ACYP2: variants seen among roughly 807,000 people sequenced by gnomAD.
ACYP2 encodes the protein acylphosphatase 2.
Under a neutral mutation model 11.2 loss-of-function variants are expected in ACYP2, and 12 were observed. The observed-to-expected ratio is 1.08, with a 90% CI of 0.69 to 1.74. The LOEUF (loss-of-function observed/expected upper bound fraction) is 1.74, where lower values mean the gene tolerates loss of function less well. Ranked by LOEUF, ACYP2 falls within the 40% of genes most tolerant of loss-of-function variation. ACYP2 has a pLI of 0.00. For missense variants in ACYP2, 134 were observed against 101.9 expected (o/e 1.31, Z -1.35); for synonymous variants, 43 against 32.2 (o/e 1.33, Z -1.13).
chr2:54,291,163 G>A (rs1689289298), intron 6 of ACYP2, among the ~76,000 whole-genome samples: 1 of 152,138 alleles, frequency 6.6e-6, no homozygotes, highest in South Asian at 2.1e-4. Context: ...GACAGCATTT[G>A]GACACTGACT....
At chr2:54,076,668 T>C (rs1046786337) in intron 4 of ACYP2, among the ~76,000 whole-genome samples, 2 of 152,212 alleles carry the variant, frequency 1.3e-5, no homozygotes. Flanking sequence ...CAGAGTGTTT[T>C]GGAGAAGGAA....
intron 6 of ACYP2, among the ~76,000 whole-genome samples, chr2:54,157,225 A>G (rs1682473732): frequency 6.6e-6 from 1 of 152,202 alleles, no homozygotes; most frequent in Non-Finnish European, 1.5e-5. Flanking sequence ...TATTGAAAAT[A>G]CATGTAATAT....
At chr2:54,222,980 T>G (rs2103953205) in intron 6 of ACYP2, 1 of 152,388 alleles carries the variant, frequency 6.6e-6, no homozygotes, top group East Asian at 1.9e-4. Flanking sequence ...TCATATTCTT[T>G]ACTCTCTGTT....
At chr2:54,256,683 C>T (rs1023889332) in intron 6 of ACYP2, among the ~76,000 whole-genome samples, 7 of 152,172 alleles carry the variant, frequency 4.6e-5, no homozygotes, top group Non-Finnish European at 7.4e-5. Flanking sequence ...TCGCTGTCGC[C>T]GAGGCTGGAG....
intron 6 of ACYP2, among the ~76,000 whole-genome samples, chr2:54,197,914 A>AT (rs1684560040): frequency 2.6e-5 from 3 of 114,228 alleles, no homozygotes; most frequent in South Asian, 4.0e-4. Flanking sequence ...ATTTTATTTT[A>AT]TTATTTTATT....
chr2:54,029,533 T>C, intron 2 of ACYP2: 1 of 400,358 alleles, frequency 2.5e-6, no homozygotes, highest in Non-Finnish European at 4.8e-6. Context: ...CTCCTTCCCA[T>C]TGGTTCTCTC....
At chr2:54,061,740 C>G in intron 4 of ACYP2, among the ~76,000 whole-genome samples, 1 of 152,120 alleles carries the variant, frequency 6.6e-6, no homozygotes, top group Non-Finnish European at 1.5e-5. Flanking sequence ...TGTAATACAA[C>G]ACATTTATTT....
At chr2:54,223,318 G>C (rs1013186082) in intron 6 of ACYP2, among the ~76,000 whole-genome samples, 4 of 152,306 alleles carry the variant, frequency 2.6e-5, no homozygotes, top group Non-Finnish European at 5.9e-5. Flanking sequence ...TCTTAGATTA[G>C]AAATAAGATA....
intron 6 of ACYP2, among the ~76,000 whole-genome samples, chr2:54,196,189 T>G (rs745929037): frequency 1.3e-5 from 2 of 152,128 alleles, no homozygotes; most frequent in Non-Finnish European, 2.9e-5. Flanking sequence ...CTGCCATACC[T>G]TGATATTTAA....
intron 4 of ACYP2, 67 bp downstream of exon 1, chr2:54,115,823 G>C: frequency 6.8e-7 from 1 of 1,466,140 alleles, no homozygotes; most frequent in East Asian, 2.8e-5. Context: ...GCTGTGAGAA[G>C]CGCCTCCCAC....
At chr2:54,110,097 A>T (rs1679381079) in intron 4 of ACYP2, among the ~76,000 whole-genome samples, 1 of 152,224 alleles carries the variant, frequency 6.6e-6, no homozygotes, top group Admixed American at 6.5e-5. Flanking sequence ...ATTAAATTAT[A>T]TTCTCTTCAA....
intron 2 of ACYP2, among the ~76,000 whole-genome samples, chr2:54,018,085 C>G (rs141415708): frequency 1.3e-5 from 2 of 152,260 alleles, no homozygotes; most frequent in East Asian, 3.9e-4. Flanking sequence ...CGTGGGGAGA[C>G]GATGGACCTG....
At chr2:53,989,790 T>C (rs892552922) in intron 2 of ACYP2, among the ~76,000 whole-genome samples, 2 of 152,192 alleles carry the variant, frequency 1.3e-5, no homozygotes, top group African/African-American at 4.8e-5. Context: ...GCTGTGTTTA[T>C]TGTGAGTAGT....
intron 6 of ACYP2, among the ~76,000 whole-genome samples, chr2:54,202,529 T>A (rs1189101748): frequency 6.6e-6 from 1 of 150,484 alleles, no homozygotes; most frequent in African/African-American, 2.4e-5. Context: ...TGCCTTAGCC[T>A]CCCAAGTAGC....
In ACYP2 at chr2:54,010,700, CTCCT is replaced by C. The variant is rs1673312949; in HGVS notation, c.62+36895_62+36898del. ...AACTATGTAATCCATTATAATCTCT[CTCCT>C]TCCTCCACTTCGGTTTCTCTTTTTC... is the stretch of plus-strand genomic sequence containing the variant. On this transcript the variant is annotated intron_variant, in intron 2 of 6. Transcript: ENST00000607452. 2.0e-5 allele frequency among the ~76,000 whole-genome samples: 3 copies of C among 148,686 alleles called. No homozygotes were observed. In the South Asian group the frequency reaches 6.4e-4, roughly 32 times the overall value.
At chr2:53,994,976 A>G (rs1462762522) in intron 2 of ACYP2, among the ~76,000 whole-genome samples, 1 of 152,166 alleles carries the variant, frequency 6.6e-6, no homozygotes, top group Non-Finnish European at 1.5e-5. Flanking sequence ...ACAGTTCTTT[A>G]TATATATGTT....
chr2:54,019,609 T>TTTATTA (rs141725920), intron 2 of ACYP2, among the ~76,000 whole-genome samples: 5,415 of 148,560 alleles, frequency 0.036, 319 homozygotes, highest in East Asian at 0.27. Flanking sequence ...CCCCTGTGCT[T>TTTATTA]TTATTATTAT....
chr2:54,044,659 A>G (rs896484436), intron 2 of ACYP2, among the ~76,000 whole-genome samples: 2 of 152,152 alleles, frequency 1.3e-5, no homozygotes, highest in African/African-American at 4.8e-5. Flanking sequence ...GGACCCTACA[A>G]TTACAAGGAT....
At chr2:54,020,838 T>C (rs2104545862) in intron 2 of ACYP2, among the ~76,000 whole-genome samples, 1 of 152,336 alleles carries the variant, frequency 6.6e-6, no homozygotes, top group South Asian at 2.1e-4. Flanking sequence ...CAAATTTTAA[T>C]TTGTTAAGGT....
Sources: allele counts gnomAD v4.1 joint callset (sites outside exome capture counted in the v4.1 genomes callset), GRCh38; gene constraint gnomAD v4.1.1; transcripts MANE v1.5; gene names NCBI Gene and HGNC (gene_info 2026-07-23, HGNC 2026-07-21).